The following LRP1B variants were observed in gnomAD, a reference collection of about 807,000 sequenced individuals.
The protein encoded by LRP1B is low-density lipoprotein receptor-related protein 1B.
LRP1B carries 217 observed loss-of-function variants against 556.6 expected under a neutral mutation model. That is an observed-to-expected ratio of 0.39 (90% CI 0.35 to 0.44). LRP1B has a LOEUF of 0.44. LRP1B is among the 20% of genes least tolerant of loss of function. The pLI is 1.00. For synonymous variants in LRP1B, 2,047 were observed against 1,865.8 expected (o/e 1.10, Z -2.50); for missense variants, 5,053 against 5,620.8 (o/e 0.90, Z 3.23).
chr2:141,182,748 C>G (rs1248980016), intron 7 of LRP1B, among the ~76,000 whole-genome samples: 1 of 151,556 alleles, frequency 6.6e-6, no homozygotes, highest in Non-Finnish European at 1.5e-5. Context: ...GGATGTGCAT[C>G]TGATTGTGGA....
At chr2:141,431,059 C>T (rs36028642) in intron 3 of LRP1B, among the ~76,000 whole-genome samples, 30,002 of 151,724 alleles carry the variant, frequency 0.2, 3,651 homozygotes, top group East Asian at 0.45. Flanking sequence ...CTGCTTGAGC[C>T]CAGGAGGTTG....
At chr2:141,920,420 T>C (rs1700155409) in intron 1 of LRP1B, among the ~76,000 whole-genome samples, 1 of 151,852 alleles carries the variant, frequency 6.6e-6, no homozygotes, top group African/African-American at 2.4e-5. Context: ...AGTCCCAAAC[T>C]TTGCAGTGGC....
chr2:141,485,978 C>T (rs990837201), intron 2 of LRP1B, among the ~76,000 whole-genome samples: 12 of 151,964 alleles, frequency 7.9e-5, no homozygotes, highest in Admixed American at 1.3e-4. Flanking sequence ...GGGACAGGGG[C>T]GAGGTGACCA....
intron 84 of LRP1B, among the ~76,000 whole-genome samples, chr2:140,282,881 C>G (rs1222047403): frequency 6.6e-6 from 1 of 151,816 alleles, no homozygotes; most frequent in Non-Finnish European, 1.5e-5. Flanking sequence ...TATTCATTAT[C>G]AGACATGATC....
In LRP1B at chr2:141,996,306, A is replaced by G. The variant is rs955695977; in HGVS notation, c.82+134342T>C. Among the ~76,000 whole-genome samples, 3 of 152,220 alleles carry G rather than the reference A, an allele frequency of 2.0e-5. No homozygotes were observed. The South Asian group carries it at 6.2e-4, about 32-fold the overall frequency. On this transcript the variant is annotated intron_variant, in intron 1 of 90. Transcript: ENST00000389484. The stretch of plus-strand genomic sequence containing the variant: ...TAAGACCTAAAAGTAGCCGAATGAC[A>G]TAGGTGTGAATGAATCAACACTGAC...
intron 2 of LRP1B, among the ~76,000 whole-genome samples, chr2:141,780,945 T>C (rs116523062): frequency 1.6e-3 from 248 of 152,284 alleles, no homozygotes; most frequent in African/African-American, 5.8e-3. Context: ...AATTCAAATT[T>C]ATTATTTTCG....
intron 87 of LRP1B, among the ~76,000 whole-genome samples, chr2:140,245,108 A>G (rs1205130804): frequency 6.6e-6 from 1 of 151,390 alleles, no homozygotes; most frequent in Non-Finnish European, 1.5e-5. Flanking sequence ...TGTAGCTAAT[A>G]GCCCTTTCAA....
chr2:141,420,022 G>C (rs538767870), intron 3 of LRP1B, among the ~76,000 whole-genome samples: 32 of 152,204 alleles, frequency 2.1e-4, no homozygotes, highest in African/African-American at 6.7e-4. Context: ...TGTTTGTCAG[G>C]TACATTTTAT....
Position 141,196,312 on chromosome 2 carries a change from C to A in LRP1B, c.851-7729G>T, listed in dbSNP as rs868295963. 4.6e-5 allele frequency among the ~76,000 whole-genome samples: 7 copies of A among 151,956 alleles called. No individual in the cohort carries two copies. In the East Asian group the frequency reaches 9.7e-4, roughly 21 times the overall value. On this transcript the variant is annotated intron_variant, in intron 6 of 90. Transcript: ENST00000389484. Reference sequence around the variant, plus strand: ...TTTACTTTCGTAATTCTCTATAAGACGTTTCTATTAGTATTTTTAAAATTT... The same window carrying A: ...TTTACTTTCGTAATTCTCTATAAGAAGTTTCTATTAGTATTTTTAAAATTT...
intron 2 of LRP1B, among the ~76,000 whole-genome samples, chr2:141,540,995 AAAC>A (rs942088999): frequency 2.6e-4 from 40 of 152,106 alleles, no homozygotes; most frequent in Admixed American, 3.9e-4. Flanking sequence ...AACATCAAAA[AAAC>A]AACAACAACA....
intron 15 of LRP1B, 86 bp from the exon 16 acceptor site, chr2:140,994,221 GT>G: frequency 8.2e-7 from 1 of 1,222,428 alleles, no homozygotes; most frequent in Non-Finnish European, 1.2e-6. Context: ...TTTTTTGTTT[GT>G]TTTAGATTCT....
intron 2 of LRP1B, among the ~76,000 whole-genome samples, chr2:141,641,996 C>T (rs202155375): frequency 7.1e-6 from 1 of 140,012 alleles, no homozygotes; most frequent in African/African-American, 2.5e-5. Flanking sequence ...AACAAACAAA[C>T]AAACAAACAA....
Position 140,536,652 on chromosome 2 carries a change from A to G in LRP1B, c.7571T>C (p.Ile2524Thr), listed in dbSNP as rs1288703325. 1 of 1,611,660 alleles carries G rather than the reference A, an allele frequency of 6.2e-7. No individual in the cohort carries two copies. Among genetic ancestry groups the G allele is most frequent in the Admixed American group, 1.7e-5 (1 of 59,722 alleles). ...SEFECGNGEC[I>T]DYQLTCDGIP... ...GCCATCACAGGTGAGCTGGTAGTCA[A>G]TGCACTCACCATTTCCACATTCAAA... The change falls in exon 46 of 91, where the codon ATT becomes ACT. Residue 2524 changes from isoleucine (I) to threonine (T), a missense_variant. Physicochemically the swap from Ile to Thr is moderately conservative, Grantham distance 89 (BLOSUM62 -1). Around this residue, in one of 5 missense-constraint regions of LRP1B, gnomAD observed 3,619 missense variants for 3,931.9 expected, o/e 0.92. Transcript: ENST00000389484.
chr2:142,013,256 G>C (rs1289458978), intron 1 of LRP1B, among the ~76,000 whole-genome samples: 1 of 152,118 alleles, frequency 6.6e-6, no homozygotes, highest in Non-Finnish European at 1.5e-5. Flanking sequence ...GATGGGAAGG[G>C]TGTAATGTGG....
intron 1 of LRP1B, among the ~76,000 whole-genome samples, chr2:141,827,330 A>C (rs1247238730): frequency 6.6e-6 from 1 of 152,206 alleles, no homozygotes; most frequent in Non-Finnish European, 1.5e-5. Context: ...GTTTTACAAA[A>C]TGTTTGAATG....
At chr2:140,601,233 T>C (rs1682658941) in intron 42 of LRP1B, among the ~76,000 whole-genome samples, 1 of 152,058 alleles carries the variant, frequency 6.6e-6, no homozygotes, top group Non-Finnish European at 1.5e-5. Flanking sequence ...AAATTTGTTT[T>C]TACTGGATCT....
intron 41 of LRP1B, among the ~76,000 whole-genome samples, chr2:140,639,876 T>A (rs1220636701): frequency 6.6e-6 from 1 of 152,186 alleles, no homozygotes; most frequent in African/African-American, 2.4e-5. Context: ...CCCACTTGCT[T>A]TTCCTTGATT....
intron 3 of LRP1B, among the ~76,000 whole-genome samples, chr2:141,359,883 C>T (rs554324197): frequency 1.3e-5 from 2 of 150,608 alleles, no homozygotes; most frequent in East Asian, 2.0e-4. Flanking sequence ...GCAGTGAATA[C>T]TGGTAGCCAA....
rs140242532 is a variant in LRP1B, at chr2:140,409,903, T to C, written c.10415-23894A>G. Among the ~76,000 whole-genome samples, 159 of 152,230 alleles carry C rather than the reference T, an allele frequency of 1.0e-3. 3 individuals are homozygous for C. Among genetic ancestry groups the C allele is most frequent in the African/African-American group, 3.5e-3 (146 of 41,566 alleles). On this transcript the variant is annotated intron_variant, in intron 66 of 90. Coordinates refer to ENST00000389484, the MANE Select transcript of LRP1B (RefSeq NM_018557.3). Reference sequence around the variant, plus strand: ...CACTTGCTTTCTTCTTTTATCATTTTACACTAAGACCTCAGTTTTATAGAC... The same window carrying C: ...CACTTGCTTTCTTCTTTTATCATTTCACACTAAGACCTCAGTTTTATAGAC...
Sources: allele counts gnomAD v4.1 joint callset (sites outside exome capture counted in the v4.1 genomes callset), GRCh38; gene constraint gnomAD v4.1.1; regional missense constraint gnomAD v4.1.1; transcripts MANE v1.5; gene names NCBI Gene and HGNC (gene_info 2026-07-23, HGNC 2026-07-21).